The following PPP2R2B variants were observed in gnomAD, a reference collection of about 807,000 sequenced individuals.
PPP2R2B encodes protein phosphatase 2 regulatory subunit Bbeta.
PPP2R2B carries 5 observed loss-of-function variants against 46.0 expected under a neutral mutation model. The ratio of observed to expected loss-of-function variants is 0.11; its 90% CI spans 0.06 to 0.23. The LOEUF is 0.23. Among genes scored for constraint, PPP2R2B ranks in the 10% least tolerant of loss-of-function variants. The pLI, the probability that PPP2R2B is intolerant of heterozygous loss-of-function variation, is 1.00. For synonymous variants in PPP2R2B, 215 were observed against 206.7 expected (o/e 1.04, Z -0.34); for missense variants, 367 against 575.0 (o/e 0.64, Z 3.70).
intron 2 of PPP2R2B, among the ~76,000 whole-genome samples, chr5:146,766,521 C>T (rs1381734326): frequency 1.3e-5 from 2 of 152,158 alleles, no homozygotes; most frequent in Admixed American, 1.3e-4. Context: ...ACACATAATT[C>T]CTTCTGATAA....
chr5:146,685,963 A>C (rs1778476236), intron 5 of PPP2R2B, among the ~76,000 whole-genome samples: 1 of 152,274 alleles, frequency 6.6e-6, no homozygotes, highest in Middle Eastern at 3.4e-3. Flanking sequence ...AATCAATAAT[A>C]AAACATTCCT....
intron 2 of PPP2R2B, among the ~76,000 whole-genome samples, chr5:146,742,706 A>G (rs1019250625): frequency 2.6e-5 from 4 of 152,172 alleles, no homozygotes; most frequent in African/African-American, 7.2e-5. Context: ...TTAACCCCCA[A>G]TATCTCGGAA....
intron 5 of PPP2R2B, among the ~76,000 whole-genome samples, chr5:146,654,772 C>T (rs1382451570): frequency 6.6e-6 from 1 of 152,162 alleles, no homozygotes; most frequent in Non-Finnish European, 1.5e-5. Context: ...TCCATGGTCA[C>T]CCTTCCGGGG....
chr5:146,979,568 C>G (rs1302338809), intron 1 of PPP2R2B, among the ~76,000 whole-genome samples: 1 of 151,252 alleles, frequency 6.6e-6, no homozygotes, highest in African/African-American at 2.4e-5. Flanking sequence ...AACACACACA[C>G]ACACACACAC....
intron 2 of PPP2R2B, among the ~76,000 whole-genome samples, chr5:146,869,446 A>C (rs1394458549): frequency 6.6e-6 from 1 of 152,238 alleles, no homozygotes; most frequent in Non-Finnish European, 1.5e-5. Context: ...AGCACCGTGC[A>C]GCCATTAAAA....
At chr5:146,840,225 GA>G (rs749353391) in intron 2 of PPP2R2B, among the ~76,000 whole-genome samples, 19,592 of 152,192 alleles carry the variant, frequency 0.13, 1,846 homozygotes, top group East Asian at 0.43. Context: ...GAGTTCCCTT[GA>G]ATATACATAA....
chr5:146,956,743 G>A (rs1381835465), intron 1 of PPP2R2B, among the ~76,000 whole-genome samples: 1 of 152,130 alleles, frequency 6.6e-6, no homozygotes, highest in Non-Finnish European at 1.5e-5. Context: ...ACTTCTCACA[G>A]TTCTGGAGGC....
chr5:146,989,076 C>A (rs887203705), intron 1 of PPP2R2B, among the ~76,000 whole-genome samples: 1 of 151,890 alleles, frequency 6.6e-6, no homozygotes, highest in African/African-American at 2.4e-5. Context: ...ACTGAACAGA[C>A]CAATAATGAG....
chr5:146,945,797 T>C (rs1358055963), intron 1 of PPP2R2B, among the ~76,000 whole-genome samples: 1 of 152,214 alleles, frequency 6.6e-6, no homozygotes, highest in Non-Finnish European at 1.5e-5. Flanking sequence ...CAATTCGATT[T>C]GAGAAAGAAT....
intron 2 of PPP2R2B, among the ~76,000 whole-genome samples, chr5:146,724,189 A>G (rs1191059162): frequency 6.6e-6 from 1 of 152,162 alleles, no homozygotes; most frequent in Non-Finnish European, 1.5e-5. Context: ...TGTTAAGCCC[A>G]TGGACTTAGG....
intron 5 of PPP2R2B, among the ~76,000 whole-genome samples, chr5:146,668,512 C>A (rs1777144997): frequency 6.6e-6 from 1 of 152,112 alleles, no homozygotes; most frequent in Admixed American, 6.6e-5. Flanking sequence ...ATCCTCAAAC[C>A]ATATTAGAGT....
intron 1 of PPP2R2B, among the ~76,000 whole-genome samples, chr5:147,021,945 CAT>C (rs1755287377): frequency 6.6e-6 from 1 of 151,306 alleles, no homozygotes; most frequent in Non-Finnish European, 1.5e-5. Context: ...ACAAATAAAA[CAT>C]AAAAATATTG....
At chr5:146,894,380 G>A (rs319179) in intron 1 of PPP2R2B, among the ~76,000 whole-genome samples, 2 of 152,004 alleles carry the variant, frequency 1.3e-5, no homozygotes, top group East Asian at 1.9e-4. Context: ...ACACAGGAAG[G>A]CTTGCAGAGC....
intron 2 of PPP2R2B, among the ~76,000 whole-genome samples, chr5:146,790,043 C>G (rs1023668937): frequency 3.3e-5 from 5 of 152,156 alleles, no homozygotes; most frequent in Admixed American, 2.6e-4. Flanking sequence ...TGCCCCATCT[C>G]TGGGGGAAAT....
chr5:146,865,217 A>G (rs1159173603), intron 2 of PPP2R2B, among the ~76,000 whole-genome samples: 1 of 152,134 alleles, frequency 6.6e-6, no homozygotes, highest in East Asian at 1.9e-4. Context: ...GGGCAAAAGC[A>G]AACAAACAAA....
chr5:146,955,774 C>CTTTTTTTTTTTTT (rs5872000), intron 1 of PPP2R2B, among the ~76,000 whole-genome samples: 1 of 115,658 alleles, frequency 8.6e-6, no homozygotes. Flanking sequence ...CTTTCTATTA[C>CTTTTTTTTTTTTT]TTTTTTTTTT....
At chr5:146,638,838 G>A (rs1775000117) in intron 6 of PPP2R2B, among the ~76,000 whole-genome samples, 1 of 151,984 alleles carries the variant, frequency 6.6e-6, no homozygotes, top group Non-Finnish European at 1.5e-5. Flanking sequence ...TGGATTATTG[G>A]GCTGATAAGT....
chr5:146,755,489 TA>T (rs1170809092), intron 2 of PPP2R2B, among the ~76,000 whole-genome samples: 1 of 152,202 alleles, frequency 6.6e-6, no homozygotes, highest in Non-Finnish European at 1.5e-5. Flanking sequence ...TCATATATAA[TA>T]AATGATCATT....
At position 146,789,398 on chromosome 5, in the gene PPP2R2B, A is replaced by G. The variant is rs566401488; in HGVS notation, c.71-88256T>C. Among the ~76,000 whole-genome samples the G allele has an allele frequency of 1.2e-3, 189 of 152,330 alleles. 1 individual carries two copies. The highest frequency in any genetic ancestry group is 1.6e-3 in the Non-Finnish European group (111 of 68,034). On this transcript the variant is annotated intron_variant, in intron 2 of 9. Coordinates refer to ENST00000394411, the MANE Select transcript of PPP2R2B (RefSeq NM_181675.4). ...GTAACATGGTCAGTATTAATAATAT[A>G]GCTATCACACATGCTTAACATAGAG...
Sources: gnomAD v4.1 joint callset for allele counts (sites outside exome capture counted in the v4.1 genomes callset) on GRCh38, gnomAD v4.1.1 for gene constraint, MANE v1.5 for transcripts, NCBI Gene and HGNC (gene_info 2026-07-23, HGNC 2026-07-21) for gene names.